The following TTC5 variants were observed in gnomAD, a reference collection of about 807,000 sequenced individuals.
The protein encoded by TTC5 is tetratricopeptide repeat domain 5.
In TTC5, 46 loss-of-function variants were observed where a neutral mutation model predicts 57.4. That is an observed-to-expected ratio of 0.80 (90% CI 0.63 to 1.03). The LOEUF is 1.03. Ranked by LOEUF, TTC5 falls within the 50% of genes least tolerant of loss-of-function variation. The pLI is 0.00. For synonymous variants in TTC5, 190 were observed against 203.5 expected (o/e 0.93, Z 0.57); for missense variants, 504 against 528.1 (o/e 0.95, Z 0.45).
At chr14:20,295,645 T>A in intron 7 of TTC5, 63 bp downstream of exon 7, 1 of 1,556,264 alleles carries the variant, frequency 6.4e-7, no homozygotes, top group Non-Finnish European at 8.6e-7. Context: ...TTATTCTTAT[T>A]TTATTGACCC....
intron 5 of TTC5, among the ~76,000 whole-genome samples, chr14:20,298,499 T>G (rs1309893898): frequency 6.6e-6 from 1 of 152,196 alleles, no homozygotes. Flanking sequence ...TTTTTCCCAT[T>G]AAAAAAGATG....
In TTC5 at chr14:20,300,660, T is replaced by C; in HGVS notation, c.343A>G (p.Lys115Glu). The C allele has an allele frequency of 1.2e-6, 2 of 1,614,106 alleles. No individual in the cohort carries two copies. The highest frequency in any genetic ancestry group is 1.7e-6 in the Non-Finnish European group (2 of 1,180,022). ...TGGGCAGCTGCAACATCCCCTTTTT[T>C]CCAGTACACCTCACCCAGCTGGTTC... ...AWNQLGEVYW[K>E]KGDVAAAHTC... The change falls in exon 3 of 10, where the codon AAA (lysine) becomes GAA (glutamate). Residue 115 changes from lysine (K) to glutamate (E), a missense_variant. Physicochemically the swap from Lys to Glu is moderately conservative, Grantham distance 56 (BLOSUM62 1). Coordinates refer to ENST00000258821, the MANE Select transcript of TTC5 (RefSeq NM_138376.3).
intron 1 of TTC5, among the ~76,000 whole-genome samples, chr14:20,302,943 A>C (rs2138819533): frequency 6.6e-6 from 1 of 152,030 alleles, no homozygotes; most frequent in South Asian, 2.1e-4. Context: ...TCATGCCTGT[A>C]ATCCTAGCAC....
intron 9 of TTC5, among the ~76,000 whole-genome samples, chr14:20,291,532 A>G (rs1300338217): frequency 6.6e-6 from 1 of 152,230 alleles, no homozygotes; most frequent in Non-Finnish European, 1.5e-5. Flanking sequence ...CTAGCACTCA[A>G]TTAAGTGTTA....
Position 20,299,441 on chromosome 14 carries a change from T to G in TTC5, c.404A>C (p.Asn135Thr). 6.2e-7 allele frequency: 1 copy of G among 1,613,832 alleles called. No homozygotes were observed. Residue 135 changes from asparagine to threonine, a missense_variant, in exon 4 of 10, where the codon AAC (asparagine) becomes ACC (threonine). Physicochemically the swap from Asn to Thr is moderately conservative, Grantham distance 65 (BLOSUM62 0). Coordinates refer to ENST00000258821, the MANE Select transcript of TTC5 (RefSeq NM_138376.3). ...CFSGALTHCR[N>T]KVSLQNLSMV... ...TGACAGGTTTTGCAAGGAGACTTTGTTCCTGCACTGCAAATAGGAAGGGCA... is the reference window on the plus strand; with the variant it reads ...TGACAGGTTTTGCAAGGAGACTTTGGTCCTGCACTGCAAATAGGAAGGGCA...
chr14:20,292,887 G>A (rs982111036), intron 8 of TTC5: 3 of 152,158 alleles, frequency 2.0e-5, no homozygotes, highest in Admixed American at 6.6e-5. Flanking sequence ...ATTAATCCTC[G>A]GTAAAAATGT....
chr14:20,302,559 T>C (rs920381364), intron 1 of TTC5, among the ~76,000 whole-genome samples: 1 of 152,236 alleles, frequency 6.6e-6, no homozygotes, highest in African/African-American at 2.4e-5. Context: ...ATGCTTATTG[T>C]GGTTTTGTTT....
chr14:20,296,127 TTAC>T lies in TTC5; in HGVS notation c.696+260_696+262del, dbSNP rs1476404925. ...ATATTGGCTCACTTGACCTTTATAT[TTAC>T]TTAACATTTCAGAAGTCTTCTAAAA... On this transcript the variant is annotated intron_variant, in intron 6 of 9. Transcript: ENST00000258821. 2.0e-5 allele frequency among the ~76,000 whole-genome samples: 3 copies of T among 152,196 alleles called. No individual in the cohort carries two copies. The East Asian group carries it at 5.8e-4, about 29-fold the overall frequency.
At chr14:20,296,498 T>G (rs780779419) in intron 5 of TTC5, 52 bp from the exon 6 acceptor site, 2 of 1,419,582 alleles carry the variant, frequency 1.4e-6, no homozygotes, top group African/African-American at 2.8e-5. Context: ...TGTTAAGGAC[T>G]GACATGCCCA....
intron 8 of TTC5, chr14:20,294,693 G>A (rs995621344): frequency 6.6e-6 from 1 of 152,334 alleles, no homozygotes; most frequent in African/African-American, 2.4e-5. Context: ...AAGGACCAAG[G>A]AGTGGTGGCA....
At chr14:20,301,365 A>G (rs1882186756) in intron 2 of TTC5, among the ~76,000 whole-genome samples, 1 of 152,212 alleles carries the variant, frequency 6.6e-6, no homozygotes, top group African/African-American at 2.4e-5. Flanking sequence ...TCTACAAGTA[A>G]TTAGTCAGAG....
intron 9 of TTC5, among the ~76,000 whole-genome samples, chr14:20,290,547 G>A (rs941022747): frequency 5.9e-5 from 9 of 152,016 alleles, no homozygotes; most frequent in African/African-American, 2.2e-4. Flanking sequence ...CCAGAGTTGA[G>A]AAAAAAACTA....
intron 3 of TTC5, 113 bp downstream of exon 3, chr14:20,300,494 G>T (rs992025864): frequency 1.1e-6 from 1 of 870,476 alleles, no homozygotes; most frequent in Non-Finnish European, 1.7e-6. Flanking sequence ...TCCTGATTCT[G>T]TCCTAGTTCA....
chr14:20,300,426 T>C, intron 3 of TTC5, 181 bp downstream of exon 3: 1 of 582,498 alleles, frequency 1.7e-6, no homozygotes, highest in African/African-American at 1.9e-5. Context: ...TCATCTTCCT[T>C]TCCCAGGCCC....
chr14:20,292,177 G>A (rs762085116), intron 8 of TTC5, 50 bp from the exon 9 acceptor site: 2 of 1,367,898 alleles, frequency 1.5e-6, no homozygotes, highest in East Asian at 2.7e-5. Flanking sequence ...AGGTATGTGG[G>A]TAGGAAAGAA....
chr14:20,298,417 C>CTTAA (rs1882109531), intron 5 of TTC5, among the ~76,000 whole-genome samples: 3 of 152,080 alleles, frequency 2.0e-5, no homozygotes, highest in Non-Finnish European at 4.4e-5. Flanking sequence ...TTAATTTACA[C>CTTAA]TGAAGTATAA....
chr14:20,289,708 G>A lies in TTC5; in HGVS notation c.1242C>T (p.Leu414=), dbSNP rs138570421. The A allele has an allele frequency of 1.9e-6, 3 of 1,613,884 alleles. No homozygotes were observed. The highest frequency in any genetic ancestry group is 8.5e-7 in the Non-Finnish European group (1 of 1,179,870). The change falls in exon 10 of 10, where the codon CTC becomes CTT. Residue 414 remains leucine (L), a synonymous_variant. Transcript: ENST00000258821. ...SFSSVRVETP[L]LLVVNGKPQG... is the part of the protein sequence containing the mutation. ...GAGGCTTCCCATTCACCACTAGCAG[G>A]AGGGGCGTCTCCACTCGAACACTGG...
At chr14:20,299,505 T>C in intron 3 of TTC5, 57 bp from the exon 4 acceptor site, 8 of 1,573,076 alleles carry the variant, frequency 5.1e-6, no homozygotes, top group African/African-American at 1.3e-5. Flanking sequence ...CCTTTCCAGA[T>C]CTATTCTGAA....
chr14:20,303,019 C>T (rs182485895), intron 1 of TTC5, among the ~76,000 whole-genome samples: 16 of 151,970 alleles, frequency 1.1e-4, no homozygotes, highest in African/African-American at 3.4e-4. Context: ...TGGTGAAACC[C>T]GGTCTCTACT....
Sources: allele counts gnomAD v4.1 joint callset (sites outside exome capture counted in the v4.1 genomes callset), GRCh38; gene constraint gnomAD v4.1.1; transcripts MANE v1.5; gene names NCBI Gene and HGNC (gene_info 2026-07-23, HGNC 2026-07-21).